The following C5 variants were observed in gnomAD, a reference collection of about 807,000 sequenced individuals.
C5 encodes the protein C3 and PZP-like alpha-2-macroglobulin domain-containing protein 4.
In C5, 140 loss-of-function variants were observed where a neutral mutation model predicts 218.8. The observed-to-expected ratio is 0.64, with a 90% confidence interval of 0.56 to 0.74. C5 has a LOEUF of 0.74. C5 is among the 30% of genes least tolerant of loss of function. The probability of loss-of-function intolerance (pLI) is 0.00; values close to 1 mark genes in which losing one functional copy is unlikely to be tolerated. For missense variants in C5, 1,700 were observed against 1,969.6 expected (o/e 0.86, Z 2.59); for synonymous variants, 614 against 682.3 (o/e 0.90, Z 1.56).
intron 25 of C5, among the ~76,000 whole-genome samples, chr9:120,983,799 T>TA (rs111933422): frequency 1.5e-3 from 212 of 145,516 alleles, no homozygotes; most frequent in Admixed American, 3.1e-3. Context: ...TGAGAGAACT[T>TA]AAAAAAAAAA....
At chr9:120,964,534 C>A (rs112170440) in intron 33 of C5, among the ~76,000 whole-genome samples, 12 of 152,176 alleles carry the variant, frequency 7.9e-5, no homozygotes, top group Non-Finnish European at 1.5e-4. Flanking sequence ...AGATTATAAG[C>A]AATTATCTCT....
At chr9:121,023,624 A>T (rs2131779173) in intron 9 of C5, 105 bp from the exon 10 acceptor site, 1 of 750,512 alleles carries the variant, frequency 1.3e-6, no homozygotes, top group Non-Finnish European at 2.4e-6. Flanking sequence ...TCATTCACTC[A>T]CTCCATTCTT....
chr9:121,050,261 G>C lies in C5; in HGVS notation c.-15C>G, dbSNP rs1350758223. 1.9e-6 allele frequency: 3 copies of C among 1,602,628 alleles called. No individual in the cohort carries two copies. The highest frequency in any genetic ancestry group is 1.7e-5 in the Admixed American group (1 of 59,986). ...AAAAGGCCCATGGTTGGAGGTAGCAGGAAACCACGGATATAACACTTTTGA... is the reference window on the plus strand; with the variant it reads ...AAAAGGCCCATGGTTGGAGGTAGCACGAAACCACGGATATAACACTTTTGA... On this transcript the variant is annotated 5_prime_UTR_variant, in exon 1 of 41. Coordinates refer to ENST00000223642, the MANE Select transcript of C5 (RefSeq NM_001735.3).
At chr9:121,013,788 CA>C (rs371718869) in intron 17 of C5, 84 bp downstream of exon 17, 36 of 1,161,742 alleles carry the variant, frequency 3.1e-5, no homozygotes, top group African/African-American at 2.1e-4. Flanking sequence ...CTAAATAGAT[CA>C]TGAAAACTGC....
intron 16 of C5, among the ~76,000 whole-genome samples, chr9:121,014,715 T>C (rs1378823765): frequency 6.6e-6 from 1 of 152,220 alleles, no homozygotes; most frequent in Non-Finnish European, 1.5e-5. Context: ...ATATTCTTTC[T>C]ACAGTAACAT....
chr9:121,046,433 T>C, intron 1 of C5, 50 bp from the exon 2 acceptor site: 1 of 1,339,254 alleles, frequency 7.5e-7, no homozygotes, highest in Non-Finnish European at 1.1e-6. Context: ...TGACATATTT[T>C]CTTTTACTTT....
At chr9:121,028,299 A>T (rs2047442471) in intron 7 of C5, among the ~76,000 whole-genome samples, 1 of 152,216 alleles carries the variant, frequency 6.6e-6, no homozygotes, top group African/African-American at 2.4e-5. Flanking sequence ...TTCCTTAAGG[A>T]TCTAGAACTA....
chr9:120,987,644 A>AG lies in C5; in HGVS notation c.3230+1401_3230+1402insC, dbSNP rs1298867583. On this transcript the variant is annotated intron_variant, in intron 25 of 40. Coordinates refer to ENST00000223642, the MANE Select transcript of C5 (RefSeq NM_001735.3). ...AGAGCAAGACTCCGTCTCAAAAAAA[A>AG]AAAAAAGAAAAAAGAAAAAAGAAAA... Among the ~76,000 whole-genome samples, 3 of 150,382 alleles carry AG rather than the reference A, an allele frequency of 2.0e-5. No individual in the cohort carries two copies. In the East Asian group the frequency reaches 5.8e-4, roughly 29 times the overall value.
At chr9:120,996,329 A>G in intron 21 of C5, 29 bp from the exon 22 acceptor site, 1 of 1,586,396 alleles carries the variant, frequency 6.3e-7, no homozygotes, top group Non-Finnish European at 8.7e-7. Context: ...ACATTCAGTT[A>G]AAAACATAAG....
intron 20 of C5, 80 bp from the exon 21 acceptor site, chr9:120,997,854 G>C (rs1174391719): frequency 8.3e-7 from 1 of 1,207,684 alleles, no homozygotes; most frequent in African/African-American, 1.5e-5. Context: ...CCAGGCTGGA[G>C]TGCAGCGGCA....
the C5 span, among the ~76,000 whole-genome samples, chr9:121,072,812 T>TAAA: frequency 7.1e-5 from 7 of 98,604 alleles, no homozygotes; most frequent in Middle Eastern, 5.8e-3. Context: ...TTCAAAAAAT[T>TAAA]AAAAAAAAAA....
At chr9:121,048,644 G>T (rs1488437488) in intron 1 of C5, among the ~76,000 whole-genome samples, 2 of 152,178 alleles carry the variant, frequency 1.3e-5, no homozygotes, top group Non-Finnish European at 2.9e-5. Context: ...GCCCCTAAAA[G>T]AATATTCTGG....
At chr9:121,041,057 C>T (rs964089501) in intron 3 of C5, among the ~76,000 whole-genome samples, 1 of 150,454 alleles carries the variant, frequency 6.6e-6, no homozygotes, top group Admixed American at 6.6e-5. Context: ...AATTCTCATG[C>T]CTCAGCCTCC....
rs1322267623 is a variant in C5, at chr9:120,997,561, T to C, written c.2776A>G (p.Thr926Ala). ...TWFGKEILVK[T>A]LRVVPEGVKR... ...GTTTTTCTTACCACCACTCGTAATGTTTTTACTAAGATTTCTTTTCCAAAC... is the reference window on the plus strand; with the variant it reads ...GTTTTTCTTACCACCACTCGTAATGCTTTTACTAAGATTTCTTTTCCAAAC... Residue 926 changes from threonine to alanine, a missense_variant, in exon 21 of 41, where the codon ACA becomes GCA. Coordinates refer to ENST00000223642, the MANE Select transcript of C5 (RefSeq NM_001735.3). 6.2e-7 allele frequency: 1 copy of C among 1,612,828 alleles called. No individual in the cohort carries two copies. Among genetic ancestry groups the C allele is most frequent in the Admixed American group, 1.7e-5 (1 of 59,998 alleles).
intron 33 of C5, among the ~76,000 whole-genome samples, chr9:120,966,101 C>T (rs189544486): frequency 2.6e-5 from 4 of 152,274 alleles, no homozygotes; most frequent in Non-Finnish European, 4.4e-5. Flanking sequence ...AAAGAAGTTC[C>T]TACATGAATA....
chr9:121,009,323 A>G (rs41309868), intron 17 of C5, among the ~76,000 whole-genome samples: 1,945 of 152,366 alleles, frequency 0.013, 43 homozygotes, highest in African/African-American at 0.045. Context: ...TCTAAGAGAA[A>G]GGAAACAATT....
chr9:120,993,167 T>TGGTGAGGTTGTGGAGAGACGAGA (rs1368438197), intron 22 of C5, among the ~76,000 whole-genome samples: 1 of 152,194 alleles, frequency 6.6e-6, no homozygotes, highest in African/African-American at 2.4e-5. Flanking sequence ...TTGGTGAGGT[T>TGGTGAGGTTGTGGAGAGACGAGA]GTGGAGAGAC....
chr9:121,033,498 G>A (rs2047495764), intron 5 of C5, among the ~76,000 whole-genome samples: 1 of 152,246 alleles, frequency 6.6e-6, no homozygotes, highest in Admixed American at 6.5e-5. Flanking sequence ...TAGAGGGGAT[G>A]ACATGTGCAA....
At chr9:121,073,844 T>C in the C5 span, among the ~76,000 whole-genome samples, 1 of 152,068 alleles carries the variant, frequency 6.6e-6, no homozygotes, top group Non-Finnish European at 1.5e-5. Flanking sequence ...TCAGGAAAAC[T>C]GTAGGAAGTG....
Sources: gnomAD v4.1 joint callset for allele counts (sites outside exome capture counted in the v4.1 genomes callset) on GRCh38, gnomAD v4.1.1 for gene constraint, MANE v1.5 for transcripts, NCBI Gene and HGNC (gene_info 2026-07-23, HGNC 2026-07-21) for gene names.